ACBD6: variants seen among roughly 807,000 people sequenced by gnomAD.
ACBD6 encodes the protein acyl-CoA binding domain containing 6, also known as acyl-CoA-binding domain-containing protein 6.
Under a neutral mutation model 37.2 loss-of-function variants are expected in ACBD6, and 28 were observed. The ratio of observed to expected loss-of-function variants is 0.75; its 90% CI spans 0.56 to 1.03. The LOEUF (loss-of-function observed/expected upper bound fraction) is 1.03. Ranked by LOEUF, ACBD6 falls within the 50% of genes least tolerant of loss-of-function variation. The pLI, the probability that ACBD6 is intolerant of heterozygous loss-of-function variation, is 0.00. For synonymous variants in ACBD6, 113 were observed against 126.8 expected, an observed-to-expected ratio of 0.89 and a Z score of 0.73; for missense variants, 340 against 337.4, an observed-to-expected ratio of 1.01 and a Z score of -0.06.
At chr1:180,305,443 A>G (rs1650314605) in intron 7 of ACBD6, among the ~76,000 whole-genome samples, 1 of 152,242 alleles carries the variant, frequency 6.6e-6, no homozygotes, top group Non-Finnish European at 1.5e-5. Context: ...TGGGCAAAGG[A>G]TATCAATAGA....
intron 1 of ACBD6, among the ~76,000 whole-genome samples, chr1:180,501,376 T>C (rs1027715875): frequency 5.3e-5 from 8 of 152,240 alleles, no homozygotes; most frequent in African/African-American, 1.9e-4. Flanking sequence ...GTGGAGTTTC[T>C]TCGCTCTTGT....
At chr1:180,311,099 G>A (rs545120677) in intron 7 of ACBD6, among the ~76,000 whole-genome samples, 1 of 152,258 alleles carries the variant, frequency 6.6e-6, no homozygotes, top group South Asian at 2.1e-4. Context: ...TTACCATCCA[G>A]AATAATAAAC....
intron 6 of ACBD6, among the ~76,000 whole-genome samples, chr1:180,327,133 A>C (rs1317983012): frequency 6.6e-6 from 1 of 152,122 alleles, no homozygotes; most frequent in Non-Finnish European, 1.5e-5. Context: ...TTTCAAGTAT[A>C]TTTAGGACCC....
intron 10 of ACBD6, chr1:180,274,330 T>G (rs146655496): frequency 6.2e-7 from 1 of 1,614,098 alleles, no homozygotes; most frequent in African/African-American, 1.3e-5. Flanking sequence ...GGAGCCCCTA[T>G]GGAATCCCCC....
At chr1:180,369,079 G>A (rs1653156585) in intron 6 of ACBD6, among the ~76,000 whole-genome samples, 1 of 152,186 alleles carries the variant, frequency 6.6e-6, no homozygotes, top group Non-Finnish European at 1.5e-5. Context: ...AATGTTCAAA[G>A]GAAGAAAACC....
intron 2 of ACBD6, among the ~76,000 whole-genome samples, chr1:180,492,794 TCA>T (rs1651559904): frequency 6.6e-6 from 1 of 152,184 alleles, no homozygotes; most frequent in African/African-American, 2.4e-5. Context: ...AAACTAATCA[TCA>T]CATAAAAAAC....
chr1:180,388,086 G>GA (rs1653914993), intron 6 of ACBD6, among the ~76,000 whole-genome samples: 1 of 151,022 alleles, frequency 6.6e-6, no homozygotes, highest in Non-Finnish European at 1.5e-5. Context: ...TGAGGCAGGA[G>GA]AATGGCGTGA....
rs560773595 is a variant in ACBD6 at position 180,410,831 on chromosome 1, T to C, written c.573+2535A>G. 5.9e-5 allele frequency among the ~76,000 whole-genome samples: 9 copies of C among 152,342 alleles called. No individual in the cohort carries two copies. The South Asian group carries it at 1.7e-3, about 28-fold the overall frequency. ...AAGGAATAATTTTGACTTCCAACTT[T>C]TATTATTAAAGAAATACATTCTATA... On this transcript the variant is annotated intron_variant, in intron 5 of 7. Transcript: ENST00000367595.
intron 6 of ACBD6, among the ~76,000 whole-genome samples, chr1:180,378,298 A>C (rs1287497962): frequency 6.6e-6 from 1 of 152,196 alleles, no homozygotes; most frequent in East Asian, 1.9e-4. Context: ...TTATCTTCAA[A>C]AGCATAAGGA....
At chr1:180,384,064 C>A (rs1037050941) in intron 6 of ACBD6, among the ~76,000 whole-genome samples, 3 of 151,306 alleles carry the variant, frequency 2.0e-5, no homozygotes, top group Admixed American at 6.6e-5. Flanking sequence ...AACTATAAAA[C>A]TACTAGATGA....
At chr1:180,438,984 T>A (rs892999262) in intron 3 of ACBD6, among the ~76,000 whole-genome samples, 2 of 152,212 alleles carry the variant, frequency 1.3e-5, no homozygotes, top group African/African-American at 4.8e-5. Flanking sequence ...TGCTTTGTTT[T>A]ACTCTTTCCA....
chr1:180,274,684 T>C (rs935512394), exon 10 of ACBD6: 36 of 1,326,766 alleles, frequency 2.7e-5, no homozygotes, highest in Non-Finnish European at 3.6e-5. Flanking sequence ...AATGTGAATT[T>C]CCATTATTTT....
chr1:180,480,480 C>T (rs56747078), intron 3 of ACBD6, among the ~76,000 whole-genome samples: 15,844 of 152,058 alleles, frequency 0.1, 1,165 homozygotes, highest in African/African-American at 0.2. Flanking sequence ...TATGGCAATA[C>T]CATTAAATAA....
At chr1:180,458,904 T>C (rs1338223858) in intron 3 of ACBD6, among the ~76,000 whole-genome samples, 2 of 152,238 alleles carry the variant, frequency 1.3e-5, no homozygotes, top group African/African-American at 4.8e-5. Context: ...AAAAGGCATA[T>C]GTTCCATTAT....
chr1:180,285,569 G>A (rs572343875), downstream of ACBD6, among the ~76,000 whole-genome samples: 43 of 152,278 alleles, frequency 2.8e-4, no homozygotes, highest in Middle Eastern at 3.4e-3. Context: ...AGGGCTTGAA[G>A]TTTGATAAAA....
chr1:180,447,295 C>T (rs1327537482), intron 3 of ACBD6, among the ~76,000 whole-genome samples: 1 of 151,922 alleles, frequency 6.6e-6, no homozygotes, highest in African/African-American at 2.4e-5. Context: ...TAACCAAACA[C>T]TTTACACCAC....
At chr1:180,306,431 G>T (rs1282056583) in intron 7 of ACBD6, among the ~76,000 whole-genome samples, 1 of 152,088 alleles carries the variant, frequency 6.6e-6, no homozygotes, top group African/African-American at 2.4e-5. Flanking sequence ...ACTCTCAGAA[G>T]CACGCGTGCC....
chr1:180,401,367 T>C (rs1377252706), intron 5 of ACBD6, among the ~76,000 whole-genome samples: 4 of 152,166 alleles, frequency 2.6e-5, no homozygotes, highest in Non-Finnish European at 5.9e-5. Flanking sequence ...TTCTGGAAAA[T>C]ACAGAGAGCA....
In ACBD6 at chr1:180,294,547, T is replaced by A. The variant is rs185104490; in HGVS notation, c.695-6030A>T. On this transcript the variant is annotated intron_variant, in intron 7 of 7. Transcript: ENST00000367595. ...TGACTGAGACCCTGACTTAAAAAAA[T>A]ATATAATAATAATAATAATAAATTT... Among the ~76,000 whole-genome samples, 124 of 149,958 alleles carry A rather than the reference T, an allele frequency of 8.3e-4. 1 individual carries two copies. The highest frequency in any genetic ancestry group is 2.5e-3 in the African/African-American group (105 of 41,392).
Sources: allele counts gnomAD v4.1 joint callset (sites outside exome capture counted in the v4.1 genomes callset), GRCh38; gene constraint gnomAD v4.1.1; transcripts MANE v1.5; gene names NCBI Gene and HGNC (gene_info 2026-07-23, HGNC 2026-07-21).